ZFHX3: variants seen among roughly 807,000 people sequenced by gnomAD.
ZFHX3 encodes the protein zinc finger homeobox 3.
Under a neutral mutation model 279.1 loss-of-function variants are expected in ZFHX3, and 42 were observed. The observed-to-expected ratio is 0.15, with a 90% CI of 0.12 to 0.19. The LOEUF is 0.19. Ranked by LOEUF, ZFHX3 falls within the 10% of genes least tolerant of loss-of-function variation. The pLI, the probability that ZFHX3 is intolerant of heterozygous loss-of-function variation, is 1.00. For synonymous variants in ZFHX3, 2,293 were observed against 1,957.8 expected, an observed-to-expected ratio of 1.17 and a Z score of -4.52; for missense variants, 4,981 against 4,754.0, an observed-to-expected ratio of 1.05 and a Z score of -1.40.
intron 4 of ZFHX3, among the ~76,000 whole-genome samples, chr16:72,854,947 G>GA: frequency 1.0e-5 from 1 of 99,654 alleles, no homozygotes; most frequent in East Asian, 3.7e-4. Context: ...GTGGGGGGGG[G>GA]GTGTCAAATG....
At chr16:73,509,885 G>A (rs181689682) in intron 2 of ZFHX3, among the ~76,000 whole-genome samples, 3 of 152,084 alleles carry the variant, frequency 2.0e-5, no homozygotes, top group South Asian at 2.1e-4. Context: ...TAGTAGAGAC[G>A]AGGTTTCACC....
At chr16:73,654,149 A>G (rs2052698815) in intron 2 of ZFHX3, among the ~76,000 whole-genome samples, 1 of 149,916 alleles carries the variant, frequency 6.7e-6, no homozygotes, top group East Asian at 1.9e-4. Flanking sequence ...GTGCCACTGC[A>G]CTCCAGCCTG....
chr16:73,214,438 A>G (rs1379319956), intron 5 of ZFHX3, among the ~76,000 whole-genome samples: 1 of 152,204 alleles, frequency 6.6e-6, no homozygotes, highest in East Asian at 1.9e-4. Context: ...TGCAAAAAAA[A>G]GGAGGAAGAT....
chr16:73,631,481 A>C (rs1278165796), intron 2 of ZFHX3, among the ~76,000 whole-genome samples: 1 of 152,182 alleles, frequency 6.6e-6, no homozygotes, highest in Non-Finnish European at 1.5e-5. Flanking sequence ...ATTTCTATCT[A>C]TATATAAATT....
chr16:73,736,266 A>T (rs114851974), intron 1 of ZFHX3, among the ~76,000 whole-genome samples: 1 of 152,166 alleles, frequency 6.6e-6, no homozygotes, highest in African/African-American at 2.4e-5. Flanking sequence ...TGACTCACCA[A>T]TGGCTACTTT....
intron 2 of ZFHX3, among the ~76,000 whole-genome samples, chr16:73,529,084 G>C (rs562319943): frequency 6.6e-6 from 1 of 152,164 alleles, no homozygotes; most frequent in South Asian, 2.1e-4. Flanking sequence ...AACAATACTC[G>C]TGATGAGGCT....
At chr16:73,883,427 G>GTGTA (rs988606073) in intron 1 of ZFHX3, among the ~76,000 whole-genome samples, 2 of 142,282 alleles carry the variant, frequency 1.4e-5, no homozygotes, top group African/African-American at 5.2e-5. Context: ...GTGTGTGTGT[G>GTGTA]TATATGAATA....
At chr16:73,206,518 A>G (rs1452720802) in intron 5 of ZFHX3, among the ~76,000 whole-genome samples, 1 of 152,172 alleles carries the variant, frequency 6.6e-6, no homozygotes, top group Non-Finnish European at 1.5e-5. Flanking sequence ...TCTAGGCCAG[A>G]GCTTGGTTAC....
At chr16:72,972,478 T>C (rs1962148941) in intron 1 of ZFHX3, among the ~76,000 whole-genome samples, 1 of 152,174 alleles carries the variant, frequency 6.6e-6, no homozygotes, top group Non-Finnish European at 1.5e-5. Flanking sequence ...TTTATGTGAT[T>C]ATAAAGGGCC....
At chr16:73,272,791 G>GGCT (rs1432489527) in intron 4 of ZFHX3, among the ~76,000 whole-genome samples, 5 of 152,150 alleles carry the variant, frequency 3.3e-5, no homozygotes, top group Non-Finnish European at 7.4e-5. Flanking sequence ...CTGTCGCCCA[G>GGCT]GCTGGAGCAC....
chr16:73,218,933 T>C (rs1245020917), intron 5 of ZFHX3, among the ~76,000 whole-genome samples: 2 of 152,158 alleles, frequency 1.3e-5, no homozygotes, highest in Non-Finnish European at 2.9e-5. Flanking sequence ...CCCATACCTA[T>C]CAGCAGTCAT....
chr16:72,784,728 G>A lies in ZFHX3; in HGVS notation c.*2436C>T, dbSNP rs117155836. The stretch of plus-strand genomic sequence containing the variant: ...TGCGTACTTGCTTTTGACACCTTAT[G>A]CTACAACTGGATACTGGTATGAATA... On this transcript the variant is annotated 3_prime_UTR_variant, in exon 10 of 10. Coordinates refer to ENST00000268489, the MANE Select transcript of ZFHX3 (RefSeq NM_006885.4). 0.016 allele frequency: 2,437 copies of A among 152,550 alleles called. 29 individuals are homozygous for A. Among genetic ancestry groups the A allele is most frequent in the Non-Finnish European group, 0.028 (1,893 of 68,006 alleles). The allele number at this position is 152,550 out of a possible 1,614,324, so 9.4% of individuals were successfully genotyped here.
rs774669251 is a variant in ZFHX3, at chr16:72,993,725, A to G, written c.-49-33531T>C. ...TTCACTGAACTGCTGTTTGCTCACG[A>G]TAACTCCTGAACCTCTGTCCTCAGG... On this transcript the variant is annotated intron_variant, in intron 1 of 9. Transcript: ENST00000268489. Among the ~76,000 whole-genome samples the G allele has an allele frequency of 1.7e-4, 26 of 152,262 alleles. No homozygotes were observed. The Middle Eastern group carries it at 0.01, about 60-fold the overall frequency.
chr16:72,959,108 G>C lies in ZFHX3; in HGVS notation c.1038C>G (p.Asn346Lys), dbSNP rs1268624402. 1.2e-6 allele frequency: 2 copies of C among 1,614,232 alleles called. No individual in the cohort carries two copies. The highest frequency in any genetic ancestry group is 1.7e-6 in the Non-Finnish European group (2 of 1,180,030). ...CTGTGGAAACTAAAGGGTGTTGAAA[G>C]TTTTTGTTTTTTGGTTCCAGAAAAC... Reference protein sequence around the residue: ...LVSFLEPKNKNFQHPLVSTAN... With the variant: ...LVSFLEPKNKKFQHPLVSTAN... Residue 346 changes from asparagine (N) to lysine (K), a missense_variant, in exon 2 of 10, where the codon AAC (asparagine) becomes AAG (lysine). Physicochemically the swap from Asn to Lys is moderately conservative, Grantham distance 94 (BLOSUM62 0). Transcript: ENST00000268489.
intron 5 of ZFHX3, among the ~76,000 whole-genome samples, chr16:72,822,627 C>T (rs1316665076): frequency 6.6e-6 from 1 of 152,046 alleles, no homozygotes; most frequent in Admixed American, 6.6e-5. Context: ...ATTAACATGG[C>T]CACTCTGTAA....
chr16:73,618,065 C>T (rs532113219), intron 2 of ZFHX3, among the ~76,000 whole-genome samples: 2 of 152,334 alleles, frequency 1.3e-5, no homozygotes, highest in East Asian at 3.9e-4. Flanking sequence ...ATGCAATCCA[C>T]AGGGTCTTCT....
chr16:73,557,094 CAAAAAAAAAAAAA>C (rs397766441), intron 2 of ZFHX3, among the ~76,000 whole-genome samples: 4 of 68,552 alleles, frequency 5.8e-5, no homozygotes, highest in African/African-American at 1.5e-4. Flanking sequence ...GACTCCGTCT[CAAAAAAAAAAAAA>C]AAAAAAAAAA....
intron 1 of ZFHX3, among the ~76,000 whole-genome samples, chr16:73,763,716 A>G (rs1458544139): frequency 1.3e-5 from 2 of 152,160 alleles, no homozygotes; most frequent in Non-Finnish European, 2.9e-5. Context: ...TGTAGATATA[A>G]TTAAAATCTC....
chr16:72,923,744 T>C lies in ZFHX3; in HGVS notation c.3216+26725A>G, dbSNP rs958659103. Among the ~76,000 whole-genome samples, 448 of 152,070 alleles carry C rather than the reference T, an allele frequency of 2.9e-3. 4 individuals carry two copies. The highest frequency in any genetic ancestry group is 5.0e-3 in the Non-Finnish European group (342 of 68,004). On this transcript the variant is annotated intron_variant, in intron 3 of 9. Coordinates refer to ENST00000268489, the MANE Select transcript of ZFHX3 (RefSeq NM_006885.4). The stretch of plus-strand genomic sequence containing the variant: ...TCTCTCTCCTTGGTAGTAGATGAAG[T>C]AGATGAAGTGGGAGCTAATGAAAAA...
Sources: allele counts gnomAD v4.1 joint callset (sites outside exome capture counted in the v4.1 genomes callset), GRCh38; gene constraint gnomAD v4.1.1; transcripts MANE v1.5; gene names NCBI Gene and HGNC (gene_info 2026-07-23, HGNC 2026-07-21).